ZMAT3: variants seen among roughly 807,000 people sequenced by gnomAD.
ZMAT3 encodes zinc finger matrin-type protein 3.
ZMAT3 carries 17 observed loss-of-function variants against 32.3 expected under a neutral mutation model. The ratio of observed to expected loss-of-function variants is 0.53; its 90% CI spans 0.36 to 0.79. ZMAT3 has a LOEUF of 0.79. Among genes scored for constraint, ZMAT3 ranks in the 30% least tolerant of loss-of-function variants. The pLI, the probability that ZMAT3 is intolerant of heterozygous loss-of-function variation, is 0.00. For missense variants in ZMAT3, 329 were observed against 359.7 expected, an observed-to-expected ratio of 0.91 and a Z score of 0.69; for synonymous variants, 120 against 133.1, an observed-to-expected ratio of 0.90 and a Z score of 0.68.
Position 179,067,698 on chromosome 3 carries a change from G to C in ZMAT3, c.55C>G (p.Pro19Ala). Residue 19 changes from proline (P) to alanine (A), a missense_variant, in exon 2 of 6, where the codon CCT becomes GCT. Physicochemically the swap from Pro to Ala is conservative, Grantham distance 27. Coordinates refer to ENST00000311417, the MANE Select transcript of ZMAT3 (RefSeq NM_022470.4). Reference protein sequence around the residue: ...LPPPKQPSPSPPMSVATRSTG... With the variant: ...LPPPKQPSPSAPMSVATRSTG... ...GACCTGGTGGCCACTGACATAGGAG[G>C]CGAGGGTGAGGGCTGCTTAGGTGGA... 1 of 1,614,182 alleles carries C rather than the reference G, an allele frequency of 6.2e-7. No individual in the cohort carries two copies. The highest frequency in any genetic ancestry group is 8.5e-7 in the Non-Finnish European group (1 of 1,180,038).
intron 2 of ZMAT3, among the ~76,000 whole-genome samples, chr3:179,054,071 A>T (rs1349395316): frequency 2.0e-5 from 3 of 152,228 alleles, no homozygotes; most frequent in Non-Finnish European, 4.4e-5. Flanking sequence ...TATTTGTACT[A>T]CTTTTGGAAC....
chr3:179,019,468 G>GGATAGA lies in ZMAT3; in HGVS notation c.*5543_*5548dup, dbSNP rs1462120923. 1 of 152,034 alleles carries GGATAGA rather than the reference G, an allele frequency of 6.6e-6. No homozygotes were observed. The allele number at this position is 152,034 out of a possible 1,614,324, so 9.4% of individuals were successfully genotyped here. On this transcript the variant is annotated 3_prime_UTR_variant, in exon 6 of 6. Coordinates refer to ENST00000311417, the MANE Select transcript of ZMAT3 (RefSeq NM_022470.4). Reference sequence around the variant, plus strand: ...CTGATGGATCGATGGATGAAAAGAGGGATAGAGAATATGAACAGATACATG... The same window carrying GGATAGA: ...CTGATGGATCGATGGATGAAAAGAGGGATAGAGATAGAGAATATGAACAGATACATG...
At chr3:179,034,458 C>A (rs1299912612) in intron 2 of ZMAT3, among the ~76,000 whole-genome samples, 3 of 152,218 alleles carry the variant, frequency 2.0e-5, no homozygotes, top group African/African-American at 7.2e-5. Context: ...CCTCCTCTAT[C>A]AGACCTCTAA....
rs1718776419 is a variant in ZMAT3, at chr3:179,024,859, G to A, written c.*158C>T. ...CCCACCTCCCCCCGCCCCGCCCCCGGGCCCCCAGGTTTTGACATCTCATGG... is the reference window on the plus strand; with the variant it reads ...CCCACCTCCCCCCGCCCCGCCCCCGAGCCCCCAGGTTTTGACATCTCATGG... On this transcript the variant is annotated 3_prime_UTR_variant, in exon 6 of 6. Coordinates refer to ENST00000311417, the MANE Select transcript of ZMAT3 (RefSeq NM_022470.4). 1.9e-6 allele frequency: 1 copy of A among 537,828 alleles called. No homozygotes were observed. Among genetic ancestry groups the A allele is most frequent in the Non-Finnish European group, 3.2e-6 (1 of 309,628 alleles). 33.3% of individuals were successfully genotyped at this position (537,828 alleles called of 1,614,324 possible).
At chr3:179,041,116 C>A (rs1170345652) in intron 2 of ZMAT3, among the ~76,000 whole-genome samples, 1 of 152,120 alleles carries the variant, frequency 6.6e-6, no homozygotes, top group Non-Finnish European at 1.5e-5. Flanking sequence ...GACTTAGACT[C>A]CCACACAATA....
chr3:179,063,473 T>A (rs796279264), intron 2 of ZMAT3, among the ~76,000 whole-genome samples: 8 of 152,354 alleles, frequency 5.3e-5, no homozygotes, highest in African/African-American at 1.9e-4. Flanking sequence ...CACTAACTAT[T>A]ACAAATAGAA....
chr3:179,040,239 A>G (rs1256614331), intron 2 of ZMAT3, among the ~76,000 whole-genome samples: 1 of 152,210 alleles, frequency 6.6e-6, no homozygotes, highest in Non-Finnish European at 1.5e-5. Flanking sequence ...GAATGCCACA[A>G]AGATACTCCT....
At chr3:179,040,163 A>G (rs1014359733) in intron 2 of ZMAT3, among the ~76,000 whole-genome samples, 1 of 152,222 alleles carries the variant, frequency 6.6e-6, no homozygotes, top group African/African-American at 2.4e-5. Flanking sequence ...ACTCTTCAGG[A>G]TATTATCCAG....
chr3:179,055,541 T>C (rs57149266), intron 2 of ZMAT3, among the ~76,000 whole-genome samples: 413 of 140,486 alleles, frequency 2.9e-3, no homozygotes, highest in African/African-American at 0.01. Context: ...CAAAAGGAGA[T>C]AGACAAAGGG....
At chr3:179,059,433 T>C (rs1333980067) in intron 2 of ZMAT3, among the ~76,000 whole-genome samples, 1 of 152,188 alleles carries the variant, frequency 6.6e-6, no homozygotes, top group Non-Finnish European at 1.5e-5. Context: ...GGCCAAAGCA[T>C]TATTTACTGG....
chr3:179,028,795 T>C (rs61483648), intron 3 of ZMAT3, among the ~76,000 whole-genome samples: 482 of 152,310 alleles, frequency 3.2e-3, no homozygotes, highest in African/African-American at 0.011. Context: ...CCCACACTTT[T>C]AAATACTAAA....
intron 2 of ZMAT3, among the ~76,000 whole-genome samples, chr3:179,038,772 G>C (rs534384208): frequency 2.5e-4 from 38 of 152,312 alleles, no homozygotes; most frequent in Non-Finnish European, 3.8e-4. Flanking sequence ...CCTCAACCGG[G>C]AAGCCAAGAG....
chr3:179,036,466 G>T (rs1719597257), intron 2 of ZMAT3, among the ~76,000 whole-genome samples: 1 of 152,100 alleles, frequency 6.6e-6, no homozygotes, highest in Non-Finnish European at 1.5e-5. Flanking sequence ...ATAACAGCTT[G>T]CAAAATGGGC....
chr3:179,067,900 TTTC>T (rs943632441), intron 1 of ZMAT3, 91 bp from the exon 2 acceptor site: 2 of 1,212,358 alleles, frequency 1.6e-6, no homozygotes, highest in African/African-American at 3.1e-5. Flanking sequence ...AATCTGACCC[TTTC>T]TTCTACTTCT....
At position 179,050,191 on chromosome 3, in the gene ZMAT3, G is replaced by A. The variant is rs546904112; in HGVS notation, c.270+17292C>T. ...AAAGATTAAGTGAAACAAAAGGTTG[G>A]TTTTTTGACAAGATAAATAAAACTA... On this transcript the variant is annotated intron_variant, in intron 2 of 5. Transcript: ENST00000311417. Among the ~76,000 whole-genome samples, 11 of 151,938 alleles carry A rather than the reference G, an allele frequency of 7.2e-5. No individual in the cohort carries two copies. In the South Asian group the frequency reaches 2.3e-3, roughly 32 times the overall value.
At chr3:179,037,261 G>A (rs1719647596) in intron 2 of ZMAT3, among the ~76,000 whole-genome samples, 1 of 152,150 alleles carries the variant, frequency 6.6e-6, no homozygotes, top group Non-Finnish European at 1.5e-5. Context: ...CAAGCTGCAG[G>A]TGGCAGGAAC....
At chr3:179,039,850 G>T (rs1166178480) in intron 2 of ZMAT3, among the ~76,000 whole-genome samples, 1 of 152,146 alleles carries the variant, frequency 6.6e-6, no homozygotes, top group African/African-American at 2.4e-5. Context: ...TAGACGAATG[G>T]CTAACTAGAA....
At chr3:179,035,764 TA>T (rs984364571) in intron 2 of ZMAT3, among the ~76,000 whole-genome samples, 1 of 152,204 alleles carries the variant, frequency 6.6e-6, no homozygotes, top group African/African-American at 2.4e-5. Flanking sequence ...CCAAGTATTA[TA>T]ATGAAGATAA....
At chr3:179,026,326 T>C (rs556807916) in intron 5 of ZMAT3, among the ~76,000 whole-genome samples, 1 of 151,732 alleles carries the variant, frequency 6.6e-6, no homozygotes, top group African/African-American at 2.4e-5. Flanking sequence ...AATTTTACAT[T>C]TATTACAATT....
Sources: gnomAD v4.1 joint callset for allele counts (sites outside exome capture counted in the v4.1 genomes callset) on GRCh38, gnomAD v4.1.1 for gene constraint, MANE v1.5 for transcripts, NCBI Gene and HGNC (gene_info 2026-07-23, HGNC 2026-07-21) for gene names.